Variants in ALDH5A1 observed in about 807,000 individuals in gnomAD.
The protein encoded by ALDH5A1 is succinate-semialdehyde dehydrogenase, mitochondrial.
ALDH5A1 carries 33 observed loss-of-function variants against 54.7 expected under a neutral mutation model. The observed-to-expected ratio is 0.60, with a 90% CI of 0.46 to 0.81. ALDH5A1 has a LOEUF of 0.81. Ranked by LOEUF, ALDH5A1 falls within the 30% of genes least tolerant of loss-of-function variation. ALDH5A1 has a pLI of 0.00. For missense variants in ALDH5A1, 657 were observed against 711.0 expected, an observed-to-expected ratio of 0.92 and a Z score of 0.86; for synonymous variants, 294 against 292.7, an observed-to-expected ratio of 1.00 and a Z score of -0.05.
chr6:24,496,782 G>A (rs1764716063), intron 1 of ALDH5A1, among the ~76,000 whole-genome samples: 1 of 152,128 alleles, frequency 6.6e-6, no homozygotes, highest in Non-Finnish European at 1.5e-5. Context: ...TTTAAAAACA[G>A]GAGTCAGATT....
At position 24,515,207 on chromosome 6, in the gene ALDH5A1, T is replaced by C; in HGVS notation, c.767T>C (p.Val256Ala). The stretch of plus-strand genomic sequence containing the variant: ...GGGATTCCTTCAGGTGTATACAATG[T>C]TATTCCCTGTTCTCGAAAGAATGCC... ...QAGIPSGVYN[V>A]IPCSRKNAKE... The change falls in exon 5 of 10, where the codon GTT (valine) becomes GCT (alanine). Residue 256 changes from valine to alanine, a missense_variant. Val to Ala is a moderately conservative substitution (Grantham distance 64, BLOSUM62 0). This residue lies in a region of ALDH5A1 where 425 missense variants were observed against 516.4 expected (regional missense o/e 0.82). Coordinates refer to ENST00000357578, the MANE Select transcript of ALDH5A1 (RefSeq NM_001080.3). 2 of 1,613,746 alleles carry C rather than the reference T, an allele frequency of 1.2e-6. No homozygotes were observed. Among genetic ancestry groups the C allele is most frequent in the Non-Finnish European group, 1.7e-6 (2 of 1,179,874 alleles).
At chr6:24,505,131 C>T in intron 4 of ALDH5A1, 146 bp downstream of exon 4, 1 of 850,536 alleles carries the variant, frequency 1.2e-6, no homozygotes, top group Non-Finnish European at 1.9e-6. Flanking sequence ...CTGGTGATTA[C>T]TTTAAGTCAG....
Position 24,515,258 on chromosome 6 carries a change from C to T in ALDH5A1, c.818C>T (p.Thr273Ile). 6.2e-7 allele frequency: 1 copy of T among 1,614,088 alleles called. No homozygotes were observed. The highest frequency in any genetic ancestry group is 8.5e-7 in the Non-Finnish European group (1 of 1,180,012). Residue 273 changes from threonine to isoleucine, a missense_variant, in exon 5 of 10, where the codon ACT becomes ATT. Thr to Ile is a moderately conservative substitution (Grantham distance 89, BLOSUM62 -1). This residue lies in a region of ALDH5A1 where 425 missense variants were observed against 516.4 expected (regional missense o/e 0.82). Coordinates refer to ENST00000357578, the MANE Select transcript of ALDH5A1 (RefSeq NM_001080.3). ...AAGGAAGTAGGGGAGGCAATTTGTACTGATCCTCTGGTGTCCAAAATTTCC... is the reference window on the plus strand; with the variant it reads ...AAGGAAGTAGGGGAGGCAATTTGTATTGATCCTCTGGTGTCCAAAATTTCC... The part of the protein sequence containing the change: ...NAKEVGEAIC[T>I]DPLVSKISFT...
At chr6:24,521,857 A>ATTTTTTTTT (rs71542679) in intron 6 of ALDH5A1, among the ~76,000 whole-genome samples, 2 of 98,214 alleles carry the variant, frequency 2.0e-5, no homozygotes, top group African/African-American at 4.6e-5. Flanking sequence ...TGTCTCTACA[A>ATTTTTTTTT]TTTTTTTTTT....
chr6:24,507,430 A>C (rs116124968), intron 4 of ALDH5A1, among the ~76,000 whole-genome samples: 5,453 of 151,662 alleles, frequency 0.036, 216 homozygotes, highest in African/African-American at 0.11. Flanking sequence ...TTATAAGTCA[A>C]CTTTTTTTTT....
At chr6:24,500,758 A>G (rs904510393) in intron 1 of ALDH5A1, among the ~76,000 whole-genome samples, 1 of 151,944 alleles carries the variant, frequency 6.6e-6, no homozygotes, top group African/African-American at 2.4e-5. Flanking sequence ...AGCTGTTTCC[A>G]CAAAACTTAT....
rs1044586956 is a variant in ALDH5A1, at chr6:24,536,495, C to T, written c.*2783C>T. The T allele has an allele frequency of 2.6e-5, 4 of 152,198 alleles. No homozygotes were observed. Among genetic ancestry groups the T allele is most frequent in the Admixed American group, 6.5e-5 (1 of 15,280 alleles). The allele number at this position is 152,198 out of a possible 1,614,324, so 9.4% of individuals were successfully genotyped here. A position where few individuals can be genotyped will look rare whatever the true frequency, so the allele number is the denominator to read the frequency against. ...CCTGCAAAGCCTAAAAGATTTACTA[C>T]TTGTCTCCTTAAAGAAAAAGTTTGC... is the stretch of plus-strand genomic sequence containing the variant. On this transcript the variant is annotated 3_prime_UTR_variant, in exon 10 of 10. Coordinates refer to ENST00000357578, the MANE Select transcript of ALDH5A1 (RefSeq NM_001080.3).
chr6:24,533,899 G>A lies in ALDH5A1; in HGVS notation c.*187G>A. The A allele has an allele frequency of 1.7e-6, 1 of 584,812 alleles. No homozygotes were observed. Among genetic ancestry groups the A allele is most frequent in the Middle Eastern group, 4.8e-4 (1 of 2,074 alleles). The allele number at this position is 584,812 out of a possible 1,614,324, so 36.2% of individuals were successfully genotyped here. A position where few individuals can be genotyped will look rare whatever the true frequency, so the allele number is the denominator to read the frequency against. ...CCTTAATGTAACTAGGGACCAATAT[G>A]TGCCACGTGCCTGTGGCTGCAGACT... On this transcript the variant is annotated 3_prime_UTR_variant, in exon 10 of 10. Coordinates refer to ENST00000357578, the MANE Select transcript of ALDH5A1 (RefSeq NM_001080.3).
chr6:24,499,422 C>T (rs1169087453), intron 1 of ALDH5A1, among the ~76,000 whole-genome samples: 3 of 152,094 alleles, frequency 2.0e-5, no homozygotes, highest in Non-Finnish European at 4.4e-5. Flanking sequence ...AGGCCTTCCT[C>T]ATTTTCTTTT....
chr6:24,508,722 T>C (rs936521703), intron 4 of ALDH5A1, among the ~76,000 whole-genome samples: 7 of 152,188 alleles, frequency 4.6e-5, no homozygotes, highest in Non-Finnish European at 7.3e-5. Flanking sequence ...TTGTACTAGT[T>C]TACATTCCCA....
chr6:24,512,674 GTTGT>G (rs1264773847), intron 4 of ALDH5A1, among the ~76,000 whole-genome samples: 5 of 151,442 alleles, frequency 3.3e-5, no homozygotes, highest in South Asian at 4.2e-4. Context: ...GGTTTTTAAT[GTTGT>G]TTGTTTTGTT....
chr6:24,520,262 C>G (rs891449257), intron 5 of ALDH5A1, 139 bp from the exon 6 acceptor site: 1 of 949,002 alleles, frequency 1.1e-6, no homozygotes, highest in East Asian at 2.4e-5. Context: ...CTTATTTCTC[C>G]GTTTTCTTAT....
At chr6:24,501,901 G>C (rs1324711882) in intron 1 of ALDH5A1, among the ~76,000 whole-genome samples, 1 of 146,274 alleles carries the variant, frequency 6.8e-6, no homozygotes, top group Non-Finnish European at 1.5e-5. Context: ...ATATATGTGT[G>C]TGTGTGTGTG....
At chr6:24,496,260 G>T (rs1764702632) in intron 1 of ALDH5A1, among the ~76,000 whole-genome samples, 1 of 152,162 alleles carries the variant, frequency 6.6e-6, no homozygotes, top group African/African-American at 2.4e-5. Context: ...TGCCCTTATG[G>T]AGCTCACATG....
intron 4 of ALDH5A1, among the ~76,000 whole-genome samples, chr6:24,513,993 G>A (rs1759512921): frequency 6.6e-6 from 1 of 152,228 alleles, no homozygotes; most frequent in Non-Finnish European, 1.5e-5. Context: ...CTGTTTTCAT[G>A]AGGATATTGA....
chr6:24,534,325 T>C lies in ALDH5A1; in HGVS notation c.*613T>C, dbSNP rs1160418396. The C allele has an allele frequency of 6.5e-6, 1 of 153,142 alleles. No homozygotes were observed. Among genetic ancestry groups the C allele is most frequent in the South Asian group, 2.0e-4 (1 of 4,882 alleles). 9.5% of individuals were successfully genotyped at this position (153,142 alleles called of 1,614,324 possible). ...ACCTCTCCCTATTCCTGAACCATAT[T>C]TTAATTGATGCCTTTATTGTCCCAA... On this transcript the variant is annotated 3_prime_UTR_variant, in exon 10 of 10. Transcript: ENST00000357578.
chr6:24,519,834 T>G (rs1490074103), intron 5 of ALDH5A1, among the ~76,000 whole-genome samples: 1 of 152,060 alleles, frequency 6.6e-6, no homozygotes, highest in African/African-American at 2.4e-5. Context: ...ATGTTATCAG[T>G]GTAAGCTGTG....
rs1330368354 is a variant in ALDH5A1, at chr6:24,536,569, A to G, written c.*2857A>G. 1 of 152,220 alleles carries G rather than the reference A, an allele frequency of 6.6e-6. No homozygotes were observed. Among genetic ancestry groups the G allele is most frequent in the East Asian group, 1.9e-4 (1 of 5,206 alleles). 9.4% of individuals were successfully genotyped at this position (152,220 alleles called of 1,614,324 possible). On this transcript the variant is annotated 3_prime_UTR_variant, in exon 10 of 10. Coordinates refer to ENST00000357578, the MANE Select transcript of ALDH5A1 (RefSeq NM_001080.3). ...GGAGATATTGACCTTACTTGCATTT[A>G]TCCGGCATTATTTCAACACCTCCTG...
At chr6:24,522,954 A>T in intron 7 of ALDH5A1, 29 bp downstream of exon 7, 1 of 1,607,316 alleles carries the variant, frequency 6.2e-7, no homozygotes, top group African/African-American at 1.3e-5. Flanking sequence ...TTGTGAAAGT[A>T]AATTTCATGG....
Sources: allele counts gnomAD v4.1 joint callset (sites outside exome capture counted in the v4.1 genomes callset), GRCh38; gene constraint gnomAD v4.1.1; regional missense constraint gnomAD v4.1.1; transcripts MANE v1.5; gene names NCBI Gene and HGNC (gene_info 2026-07-23, HGNC 2026-07-21).